Variants in SLC71A2 observed in about 807,000 individuals in gnomAD.
SLC71A2 encodes solute carrier family 71 member 2, also known as hippocampus abundant transcript-like 1.
At chr9:94,409,944 C>T in the SLC71A2 span, among the ~76,000 whole-genome samples, 2 of 135,796 alleles carry the variant, frequency 1.5e-5, 1 homozygote, top group African/African-American at 5.6e-5. Context: ...AGTTAGTGTT[C>T]AGTGTTACTG....
the SLC71A2 span, among the ~76,000 whole-genome samples, chr9:94,407,764 T>C: frequency 2.0e-5 from 3 of 152,166 alleles, no homozygotes; most frequent in Non-Finnish European, 2.9e-5. Context: ...GTGGTTTTGC[T>C]TTCCATGGTT....
At chr9:94,444,980 C>T in the SLC71A2 span, 7 of 1,613,790 alleles carry the variant, frequency 4.3e-6, no homozygotes, top group South Asian at 1.1e-5. Flanking sequence ...GCCACCTTTG[C>T]GGCTAGTCTT....
chr9:94,376,557 A>G, the SLC71A2 span, among the ~76,000 whole-genome samples: 2 of 149,912 alleles, frequency 1.3e-5, no homozygotes, highest in Non-Finnish European at 3.0e-5. Context: ...TTGAAGCATT[A>G]TTAGTATAGT....
At chr9:94,460,602 C>T in the SLC71A2 span, 2 of 144,558 alleles carry the variant, frequency 1.4e-5, no homozygotes, top group Non-Finnish European at 1.5e-5. Context: ...GGACCATTAA[C>T]TAGGGCCCAC....
the SLC71A2 span, among the ~76,000 whole-genome samples, chr9:94,444,221 G>T: frequency 6.6e-6 from 1 of 152,134 alleles, no homozygotes; most frequent in Non-Finnish European, 1.5e-5. Context: ...AAATAAAGTG[G>T]ACATTCCACA....
chr9:94,437,673 G>C, the SLC71A2 span, among the ~76,000 whole-genome samples: 1 of 147,482 alleles, frequency 6.8e-6, no homozygotes, highest in African/African-American at 2.5e-5. Flanking sequence ...ATAGTATATG[G>C]TGTACATTCA....
At chr9:94,440,044 T>A in the SLC71A2 span, among the ~76,000 whole-genome samples, 2 of 152,228 alleles carry the variant, frequency 1.3e-5, no homozygotes, top group African/African-American at 4.8e-5. Context: ...AAGCTGGTTT[T>A]TAGACTGAAA....
At chr9:94,415,319 C>T in the SLC71A2 span, 1 of 1,096,740 alleles carries the variant, frequency 9.1e-7, no homozygotes, top group African/African-American at 1.5e-5. Context: ...GCACGTATCA[C>T]TGTGTATGTC....
At chr9:94,411,593 ATT>A in the SLC71A2 span, among the ~76,000 whole-genome samples, 1 of 140,546 alleles carries the variant, frequency 7.1e-6, no homozygotes, top group Non-Finnish European at 1.6e-5. Flanking sequence ...TCGTTAGCCG[ATT>A]TTTTTTTTTT....
the SLC71A2 span, among the ~76,000 whole-genome samples, chr9:94,402,836 AT>A: frequency 6.6e-6 from 1 of 152,300 alleles, no homozygotes; most frequent in East Asian, 1.9e-4. Context: ...ATAGTTTTGC[AT>A]TTTATTTTTA....
the SLC71A2 span, chr9:94,451,541 T>C: frequency 7.1e-7 from 1 of 1,408,090 alleles, no homozygotes; most frequent in Non-Finnish European, 9.7e-7. Flanking sequence ...AGTATCATTT[T>C]ATCTATACTT....
chr9:94,448,367 A>G, the SLC71A2 span, among the ~76,000 whole-genome samples: 23 of 152,152 alleles, frequency 1.5e-4, no homozygotes, highest in African/African-American at 5.6e-4. Flanking sequence ...AAGAAAACCA[A>G]AAACTTCCCC....
chr9:94,406,585 A>G, the SLC71A2 span, among the ~76,000 whole-genome samples: 5 of 152,252 alleles, frequency 3.3e-5, no homozygotes, highest in East Asian at 9.6e-4. Flanking sequence ...GTCGCCTGGG[A>G]GGGCCTCAAA....
the SLC71A2 span, among the ~76,000 whole-genome samples, chr9:94,422,986 G>T: frequency 6.8e-6 from 1 of 147,142 alleles, no homozygotes; most frequent in Admixed American, 6.9e-5. Flanking sequence ...CTAGGCTGGA[G>T]TGTGCAGTGG....
At chr9:94,456,349 G>T in the SLC71A2 span, 12 of 1,606,220 alleles carry the variant, frequency 7.5e-6, no homozygotes, top group South Asian at 1.3e-4. Flanking sequence ...TGAGGTCACT[G>T]CCCCCCACTT....
chr9:94,451,692 G>A, the SLC71A2 span, among the ~76,000 whole-genome samples: 1 of 152,196 alleles, frequency 6.6e-6, no homozygotes, highest in African/African-American at 2.4e-5. Flanking sequence ...TATAATATCA[G>A]ATCAAGAAAC....
chr9:94,390,406 C>T, the SLC71A2 span, among the ~76,000 whole-genome samples: 4 of 149,992 alleles, frequency 2.7e-5, no homozygotes, highest in African/African-American at 9.9e-5. Context: ...GTTGCCAGGA[C>T]ATCTAAGTCA....
the SLC71A2 span, among the ~76,000 whole-genome samples, chr9:94,403,418 A>C: frequency 2.0e-5 from 3 of 151,498 alleles, no homozygotes; most frequent in Non-Finnish European, 4.4e-5. Context: ...GATTACAGGC[A>C]TGAGCCACCG....
the SLC71A2 span, among the ~76,000 whole-genome samples, chr9:94,436,637 A>C: frequency 7.2e-5 from 11 of 152,036 alleles, no homozygotes; most frequent in African/African-American, 2.7e-4. Flanking sequence ...TTCTTGGTGC[A>C]AGATGATGAA....
Sources: gnomAD v4.1 joint callset for allele counts (sites outside exome capture counted in the v4.1 genomes callset) on GRCh38, gnomAD v4.1.1 for gene constraint, MANE v1.5 for transcripts, NCBI Gene and HGNC (gene_info 2026-07-23, HGNC 2026-07-21) for gene names.